Variants in THSD7A observed in about 807,000 individuals in gnomAD.
THSD7A encodes the protein thrombospondin type-1 domain-containing protein 7A.
A neutral mutation model predicts 231.3 loss-of-function variants in THSD7A; 96 were observed. The observed-to-expected ratio is 0.41, with a 90% CI of 0.35 to 0.49. The LOEUF (loss-of-function observed/expected upper bound fraction) is 0.49. Ranked by LOEUF, THSD7A falls within the 20% of genes least tolerant of loss-of-function variation. The probability of loss-of-function intolerance (pLI) is 0.05; values close to 1 mark genes in which losing one functional copy is unlikely to be tolerated. For synonymous variants in THSD7A, 940 were observed against 743.3 expected (o/e 1.26, Z -4.30); for missense variants, 2,290 against 2,070.2 (o/e 1.11, Z -2.06).
At chr7:11,400,194 A>G (rs10253732) in intron 23 of THSD7A, among the ~76,000 whole-genome samples, 114,009 of 144,480 alleles carry the variant, frequency 0.79, 45,569 homozygotes, top group African/African-American at 0.89. Flanking sequence ...ATAGCATTAG[A>G]AGATATACCT....
intron 1 of THSD7A, among the ~76,000 whole-genome samples, chr7:11,682,650 G>A (rs1282922581): frequency 1.3e-5 from 2 of 151,946 alleles, no homozygotes; most frequent in Admixed American, 6.6e-5. Flanking sequence ...CATTCACACA[G>A]TAATACTGGG....
chr7:11,591,445 A>G (rs1467826991), intron 3 of THSD7A, among the ~76,000 whole-genome samples: 1 of 152,184 alleles, frequency 6.6e-6, no homozygotes, highest in Admixed American at 6.5e-5. Context: ...AACATGACTC[A>G]TGTAGCACTT....
intron 6 of THSD7A, among the ~76,000 whole-genome samples, chr7:11,509,831 A>AAAAAAAAAAAAAAAAAAAAAAAC (rs1787725578): frequency 6.8e-6 from 1 of 147,250 alleles, no homozygotes; most frequent in Non-Finnish European, 1.5e-5. Context: ...CAAAAAAAAA[A>AAAAAAAAAAAAAAAAAAAAAAAC]AAAAATAACA....
At chr7:11,700,195 G>A (rs1780543001) in intron 1 of THSD7A, among the ~76,000 whole-genome samples, 1 of 151,172 alleles carries the variant, frequency 6.6e-6, no homozygotes, top group Non-Finnish European at 1.5e-5. Context: ...TGAAGATCAG[G>A]TTAAATAGAT....
intron 1 of THSD7A, among the ~76,000 whole-genome samples, chr7:11,723,136 C>A (rs1261178861): frequency 1.3e-5 from 2 of 151,968 alleles, no homozygotes; most frequent in Non-Finnish European, 2.9e-5. Context: ...CCATGGAATA[C>A]TATGCAGCCA....
At chr7:11,710,469 CA>C (rs1192250523) in intron 1 of THSD7A, among the ~76,000 whole-genome samples, 1 of 150,756 alleles carries the variant, frequency 6.6e-6, no homozygotes, top group Non-Finnish European at 1.5e-5. Context: ...TCTTCCTTTG[CA>C]AAAACATGCT....
chr7:11,458,770 C>T (rs1335671460), intron 11 of THSD7A, among the ~76,000 whole-genome samples: 5 of 152,160 alleles, frequency 3.3e-5, no homozygotes, highest in East Asian at 1.9e-4. Context: ...AACAGTTTTC[C>T]GATTTGGAAA....
chr7:11,455,312 A>C (rs1373296342), intron 11 of THSD7A, among the ~76,000 whole-genome samples: 2 of 152,102 alleles, frequency 1.3e-5, no homozygotes, highest in African/African-American at 2.4e-5. Flanking sequence ...ATAGAAGCCC[A>C]AGAATCCTGA....
In THSD7A at chr7:11,390,534, G is replaced by A. The variant is rs141805858; in HGVS notation, c.4412-7918C>T. Among the ~76,000 whole-genome samples the A allele has an allele frequency of 1.3e-4, 20 of 152,214 alleles. No homozygotes were observed. The East Asian group carries it at 3.9e-3, about 29-fold the overall frequency. ...TTTTTTCAAGGTTCTTAGCTTCCTT[G>A]CATTTGGTTAGAACATGCTCTTTTA... is the stretch of plus-strand genomic sequence containing the variant. On this transcript the variant is annotated intron_variant, in intron 23 of 27. Coordinates refer to ENST00000423059, the MANE Select transcript of THSD7A (RefSeq NM_015204.3).
chr7:11,710,768 T>C (rs954387390), intron 1 of THSD7A, among the ~76,000 whole-genome samples: 3 of 150,896 alleles, frequency 2.0e-5, no homozygotes, highest in African/African-American at 7.3e-5. Flanking sequence ...TGCCCCTATT[T>C]ACAGACTATC....
intron 2 of THSD7A, among the ~76,000 whole-genome samples, chr7:11,604,246 G>T (rs1780661775): frequency 6.6e-6 from 1 of 152,060 alleles, no homozygotes; most frequent in Admixed American, 6.6e-5. Flanking sequence ...GTACAAGGAG[G>T]TTAAAGAGTT....
At position 11,393,363 on chromosome 7, in the gene THSD7A, G is replaced by C. The variant is rs189493255; in HGVS notation, c.4411+8432C>G. On this transcript the variant is annotated intron_variant, in intron 23 of 27. Coordinates refer to ENST00000423059, the MANE Select transcript of THSD7A (RefSeq NM_015204.3). ...GTCCACTCAGAGACCCCGAACTGAA[G>C]GTAACCAACATCAAAGGTAGATAAA... is the stretch of plus-strand genomic sequence containing the variant. 2.0e-5 allele frequency among the ~76,000 whole-genome samples: 3 copies of C among 152,264 alleles called. No homozygotes were observed. In the East Asian group the frequency reaches 5.8e-4, roughly 29 times the overall value.
intron 1 of THSD7A, among the ~76,000 whole-genome samples, chr7:11,751,894 T>C (rs1782514497): frequency 6.6e-6 from 1 of 152,104 alleles, no homozygotes; most frequent in Non-Finnish European, 1.5e-5. Flanking sequence ...CTGATGAGTT[T>C]ACTTACTCCA....
At chr7:11,441,953 C>T (rs1477257164) in intron 13 of THSD7A, among the ~76,000 whole-genome samples, 1 of 151,954 alleles carries the variant, frequency 6.6e-6, no homozygotes, top group Non-Finnish European at 1.5e-5. Context: ...GCAGGTTCTG[C>T]ACATGTTTCC....
Position 11,733,729 on chromosome 7 carries a change from G to A in THSD7A, c.191-96768C>T, listed in dbSNP as rs926177993. Among the ~76,000 whole-genome samples, 5 of 151,856 alleles carry A rather than the reference G, an allele frequency of 3.3e-5. No individual in the cohort carries two copies. The South Asian group carries it at 6.2e-4, about 19-fold the overall frequency. On this transcript the variant is annotated intron_variant, in intron 1 of 27. Coordinates refer to ENST00000423059, the MANE Select transcript of THSD7A (RefSeq NM_015204.3). Reference sequence around the variant, plus strand: ...ATCTGAATAAGAACAATTAAGAATAGATAGCTCCATAGAAGGCCGAAATTA... The same window carrying A: ...ATCTGAATAAGAACAATTAAGAATAAATAGCTCCATAGAAGGCCGAAATTA...
At chr7:11,745,165 G>C (rs559057164) in intron 1 of THSD7A, among the ~76,000 whole-genome samples, 1 of 152,166 alleles carries the variant, frequency 6.6e-6, no homozygotes. Context: ...TCTCATTGTG[G>C]TTTTGATTTG....
At chr7:11,815,395 C>T (rs1784658092) in intron 1 of THSD7A, among the ~76,000 whole-genome samples, 1 of 152,058 alleles carries the variant, frequency 6.6e-6, no homozygotes, top group Non-Finnish European at 1.5e-5. Context: ...CATGCCTCAT[C>T]TACTCCCCTC....
At chr7:11,583,822 T>G (rs1207746504) in intron 4 of THSD7A, among the ~76,000 whole-genome samples, 1 of 152,144 alleles carries the variant, frequency 6.6e-6, no homozygotes, top group Non-Finnish European at 1.5e-5. Context: ...TTATATTAAT[T>G]TCTCAGCTTT....
chr7:11,771,439 A>G (rs1783225276), intron 1 of THSD7A, among the ~76,000 whole-genome samples: 1 of 152,172 alleles, frequency 6.6e-6, no homozygotes, highest in Non-Finnish European at 1.5e-5. Context: ...TAGAAAATAA[A>G]TAAAGCCAAT....
Sources: gnomAD v4.1 joint callset for allele counts (sites outside exome capture counted in the v4.1 genomes callset) on GRCh38, gnomAD v4.1.1 for gene constraint, MANE v1.5 for transcripts, NCBI Gene and HGNC (gene_info 2026-07-23, HGNC 2026-07-21) for gene names.